KIAA0319L: variants seen among roughly 807,000 people sequenced by gnomAD.
KIAA0319L encodes dyslexia-associated protein KIAA0319-like protein.
Under a neutral mutation model 120.1 loss-of-function variants are expected in KIAA0319L, and 55 were observed. The observed-to-expected ratio is 0.46, with a 90% CI of 0.37 to 0.57. The LOEUF is 0.57. KIAA0319L is among the 20% of genes least tolerant of loss of function. The probability of loss-of-function intolerance (pLI) is 0.00; values close to 1 mark genes in which losing one functional copy is unlikely to be tolerated. For missense variants in KIAA0319L, 1,049 were observed against 1,255.3 expected, an observed-to-expected ratio of 0.84 and a Z score of 2.48; for synonymous variants, 398 against 471.9, an observed-to-expected ratio of 0.84 and a Z score of 2.03.
chr1:35,522,236 A>T (rs918106546), intron 2 of KIAA0319L, among the ~76,000 whole-genome samples: 2 of 152,130 alleles, frequency 1.3e-5, no homozygotes, highest in Non-Finnish European at 2.9e-5. Flanking sequence ...AGATGAAAGT[A>T]GGAGACTTAT....
intron 5 of KIAA0319L, among the ~76,000 whole-genome samples, chr1:35,473,325 T>C (rs995390886): frequency 3.3e-5 from 5 of 152,010 alleles, no homozygotes; most frequent in Admixed American, 6.6e-5. Context: ...CTTGAACTCC[T>C]GACCTAAGGT....
chr1:35,442,870 C>A lies in KIAA0319L; in HGVS notation c.2779+36G>T, dbSNP rs201963527. 103 of 1,613,946 alleles carry A rather than the reference C, an allele frequency of 6.4e-5. No homozygotes were observed. In the African/African-American group the frequency reaches 1.3e-3, roughly 20 times the overall value. ...CTCAGTGCAGAACCACATTCAGCGC[C>A]AAACAGGCTGGCACTGTGCCACATA... On this transcript the variant is annotated intron_variant, in intron 18 of 20. Transcript: ENST00000325722.
rs776173995 is a variant in KIAA0319L, at chr1:35,473,817, A to C, written c.1015+988T>G. 3.4e-4 allele frequency among the ~76,000 whole-genome samples: 52 copies of C among 152,356 alleles called. No homozygotes were observed. The Middle Eastern group carries it at 0.01, about 30-fold the overall frequency. ...ACCTAAAATGGAAGGACCCCATCCT[A>C]AATAGGGAAGGACATTCTACTTGAC... On this transcript the variant is annotated intron_variant, in intron 5 of 20. Coordinates refer to ENST00000325722, the MANE Select transcript of KIAA0319L (RefSeq NM_024874.5).
chr1:35,466,061 C>T (rs933746502), intron 7 of KIAA0319L, among the ~76,000 whole-genome samples: 1 of 152,166 alleles, frequency 6.6e-6, no homozygotes, highest in African/African-American at 2.4e-5. Context: ...AACTGCCCAT[C>T]TTCTCTTAAA....
intron 19 of KIAA0319L, 30 bp downstream of exon 19, chr1:35,442,216 G>T (rs775918823): frequency 6.5e-7 from 1 of 1,528,612 alleles, no homozygotes; most frequent in East Asian, 2.2e-5. Context: ...CAAGAAGCCC[G>T]AATGAATTTC....
chr1:35,548,080 C>T (rs1179551628), intron 2 of KIAA0319L, among the ~76,000 whole-genome samples: 1 of 151,488 alleles, frequency 6.6e-6, no homozygotes, highest in Non-Finnish European at 1.5e-5. Context: ...GAGATCGTAC[C>T]ACTGCAGTCC....
intron 7 of KIAA0319L, 128 bp downstream of exon 7, chr1:35,466,480 T>C (rs1276394371): frequency 3.1e-6 from 2 of 643,726 alleles, no homozygotes; most frequent in South Asian, 3.8e-5. Context: ...TTCACCACAT[T>C]GAACTAGGAA....
At chr1:35,552,551 T>G (rs540938184) in intron 2 of KIAA0319L, among the ~76,000 whole-genome samples, 1 of 152,110 alleles carries the variant, frequency 6.6e-6, no homozygotes, top group Admixed American at 6.5e-5. Context: ...AACTATCTAT[T>G]TTTGGGTTAT....
At chr1:35,541,357 T>TC (rs1646785769) in intron 2 of KIAA0319L, among the ~76,000 whole-genome samples, 1 of 142,442 alleles carries the variant, frequency 7.0e-6, no homozygotes, top group African/African-American at 2.8e-5. Context: ...TCCTTTTTTT[T>TC]TTTTTTTTTT....
In KIAA0319L at chr1:35,506,991, T is replaced by G; in HGVS notation, c.287A>C (p.His96Pro). The G allele has an allele frequency of 1.2e-6, 2 of 1,613,380 alleles. No individual in the cohort carries two copies. Among genetic ancestry groups the G allele is most frequent in the Non-Finnish European group, 1.7e-6 (2 of 1,179,704 alleles). The change falls in exon 3 of 21, where the codon CAT (histidine) becomes CCT (proline). Residue 96 changes from histidine (H) to proline (P), a missense_variant. Physicochemically the swap from His to Pro is moderately conservative, Grantham distance 77 (BLOSUM62 -2). Coordinates refer to ENST00000325722, the MANE Select transcript of KIAA0319L (RefSeq NM_024874.5). This position sits in a 1 kb window ranked among gnomAD's most constrained non-coding sequence, Gnocchi z 4.0. Reference protein sequence around the residue: ...WAACCQDSACHVFWWLEGMCI... With the variant: ...WAACCQDSACPVFWWLEGMCI... ...CATCCCTTCTAGCCACCAAAAGACA[T>G]GGCAGGCAGAGTCCTGGCAGCAGGC... is the stretch of plus-strand genomic sequence containing the variant.
rs1379214619 is a variant in KIAA0319L, at chr1:35,437,522, T to C, written c.2963-2441A>G. ...AAGGATTTTTAAATATTCAGGGCCT[T>C]CATCTCCTCACTGCGCTTTCTAAAT... On this transcript the variant is annotated intron_variant, in intron 20 of 20. Transcript: ENST00000325722. This position sits in a 1 kb window ranked among gnomAD's most constrained non-coding sequence, Gnocchi z 4.1. 2.0e-5 allele frequency among the ~76,000 whole-genome samples: 3 copies of C among 152,208 alleles called. No homozygotes were observed. The highest frequency in any genetic ancestry group is 2.4e-5 in the African/African-American group (1 of 41,468).
At chr1:35,548,986 CA>C (rs1406717019) in intron 2 of KIAA0319L, among the ~76,000 whole-genome samples, 1 of 152,144 alleles carries the variant, frequency 6.6e-6, no homozygotes, top group Non-Finnish European at 1.5e-5. Flanking sequence ...CTCCTTAGAG[CA>C]CCCTCTTTGC....
intron 5 of KIAA0319L, 36 bp from the exon 6 acceptor site, chr1:35,470,996 A>G: frequency 1.3e-5 from 15 of 1,142,914 alleles, no homozygotes; most frequent in Non-Finnish European, 2.0e-5. Context: ...ATGAAAACAC[A>G]CACCAACACA....
intron 2 of KIAA0319L, among the ~76,000 whole-genome samples, chr1:35,513,289 T>TATA (rs1491413167): frequency 0.015 from 1,082 of 70,288 alleles, 9 homozygotes; most frequent in Admixed American, 0.072. Context: ...TATATATATA[T>TATA]TTTTTTTTTT....
chr1:35,472,786 C>CTT (rs760880560), intron 5 of KIAA0319L, among the ~76,000 whole-genome samples: 11 of 139,198 alleles, frequency 7.9e-5, no homozygotes, highest in Admixed American at 7.3e-5. Flanking sequence ...ATCTATTTCC[C>CTT]TTTTTTTTTT....
chr1:35,527,005 G>C (rs1646173664), intron 2 of KIAA0319L, among the ~76,000 whole-genome samples: 4 of 152,192 alleles, frequency 2.6e-5, no homozygotes, highest in Admixed American at 2.6e-4. Context: ...TTAAGCCCAG[G>C]AGGTTGAGGC....
intron 5 of KIAA0319L, among the ~76,000 whole-genome samples, chr1:35,473,596 C>T (rs914365626): frequency 6.6e-6 from 1 of 152,104 alleles, no homozygotes; most frequent in African/African-American, 2.4e-5. Context: ...AACCCAATCA[C>T]CTTAACTTGT....
chr1:35,444,875 T>C (rs1168148837), intron 16 of KIAA0319L, among the ~76,000 whole-genome samples: 1 of 152,198 alleles, frequency 6.6e-6, no homozygotes, highest in Non-Finnish European at 1.5e-5. Context: ...GCTATGAACT[T>C]ATATTACTCC....
At chr1:35,515,536 A>C (rs544817693) in intron 2 of KIAA0319L, among the ~76,000 whole-genome samples, 55 of 152,322 alleles carry the variant, frequency 3.6e-4, no homozygotes, top group African/African-American at 1.2e-3. Context: ...ACAACATACC[A>C]GAATCTCTGG....
Sources: gnomAD v4.1 joint callset for allele counts (sites outside exome capture counted in the v4.1 genomes callset) on GRCh38, gnomAD v4.1.1 for gene constraint, Gnocchi (gnomAD v3.1) non-coding constraint, MANE v1.5 for transcripts, NCBI Gene and HGNC (gene_info 2026-07-23, HGNC 2026-07-21) for gene names.